EYS: variants seen among roughly 807,000 people sequenced by gnomAD.
EYS encodes protein eyes shut homolog.
In EYS, 250 loss-of-function variants were observed where a neutral mutation model predicts 282.1. That is an observed-to-expected ratio of 0.89 (90% CI 0.80 to 0.98). EYS has a LOEUF of 0.98. EYS is among the 50% of genes least tolerant of loss of function. EYS has a pLI of 0.00. For synonymous variants in EYS, 1,355 were observed against 1,282.9 expected, an observed-to-expected ratio of 1.06 and a Z score of -1.20; for missense variants, 4,016 against 3,709.0, an observed-to-expected ratio of 1.08 and a Z score of -2.15.
chr6:63,963,650 AT>A (rs570522624), intron 35 of EYS, among the ~76,000 whole-genome samples: 1 of 151,902 alleles, frequency 6.6e-6, no homozygotes, highest in African/African-American at 2.4e-5. Flanking sequence ...ATGGGTTTTC[AT>A]TTTTTTTCAC....
At position 63,827,441 on chromosome 6, in the gene EYS, A is replaced by G. The variant is rs140097905; in HGVS notation, c.7229-21069T>C. On this transcript the variant is annotated intron_variant, in intron 36 of 42. Coordinates refer to ENST00000503581, the MANE Select transcript of EYS (RefSeq NM_001142800.2). ...TGGAATTAACAGATATATACAGAAC[A>G]TTTCATCCAACAACCACAGAATATA... Among the ~76,000 whole-genome samples the G allele has an allele frequency of 4.5e-3, 681 of 152,314 alleles. 7 individuals carry two copies. The highest frequency in any genetic ancestry group is 0.016 in the African/African-American group (653 of 41,556).
At chr6:64,927,908 AT>A (rs1768571473) in intron 15 of EYS, among the ~76,000 whole-genome samples, 1 of 152,138 alleles carries the variant, frequency 6.6e-6, no homozygotes, top group Non-Finnish European at 1.5e-5. Flanking sequence ...ATCAGAAATT[AT>A]TACAAAAGGA....
At chr6:65,213,062 T>G (rs1766214104) in intron 12 of EYS, among the ~76,000 whole-genome samples, 1 of 152,158 alleles carries the variant, frequency 6.6e-6, no homozygotes, top group Admixed American at 6.5e-5. Flanking sequence ...GAGGAATTAT[T>G]TATAGTGAGG....
At chr6:64,631,824 T>G (rs998121323) in intron 22 of EYS, 13 of 152,106 alleles carry the variant, frequency 8.5e-5, no homozygotes, top group Non-Finnish European at 1.9e-4. Flanking sequence ...CCCCACAATC[T>G]ATTCTATTCA....
rs150502410 is a variant in EYS, at chr6:65,494,692, T to C, written c.719A>G (p.Tyr240Cys). 58 of 1,584,146 alleles carry C rather than the reference T, an allele frequency of 3.7e-5. No individual in the cohort carries two copies. The African/African-American group carries it at 6.9e-4, about 19-fold the overall frequency. ...AAATGGTGGGTGACAGACACATTCATATGCTTGCTCATCCCAATTTTCTCT... is the reference window on the plus strand; with the variant it reads ...AAATGGTGGGTGACAGACACATTCACATGCTTGCTCATCCCAATTTTCTCT... ...NKRENWDEQA[Y>C]ECVCHPPFTG... The change falls in exon 4 of 43, where the codon TAT (tyrosine) becomes TGT (cysteine). Residue 240 changes from tyrosine (Y) to cysteine (C), a missense_variant. Transcript: ENST00000503581.
At chr6:65,139,532 C>T (rs541108532) in intron 12 of EYS, among the ~76,000 whole-genome samples, 1 of 152,182 alleles carries the variant, frequency 6.6e-6, no homozygotes, top group Admixed American at 6.6e-5. Context: ...CAAACCTCCA[C>T]AGCATGCAAT....
chr6:64,774,221 G>C (rs1053933782), intron 22 of EYS, among the ~76,000 whole-genome samples: 1 of 151,932 alleles, frequency 6.6e-6, no homozygotes, highest in African/African-American at 2.4e-5. Flanking sequence ...TTTGGGGAGA[G>C]ATTGGGGAAA....
At chr6:65,097,580 A>G (rs1458823064) in intron 12 of EYS, among the ~76,000 whole-genome samples, 1 of 150,946 alleles carries the variant, frequency 6.6e-6, no homozygotes, top group Non-Finnish European at 1.5e-5. Context: ...ACAATAAGCA[A>G]GATAGGGAAA....
intron 22 of EYS, among the ~76,000 whole-genome samples, chr6:64,627,875 C>G (rs1239285268): frequency 6.6e-6 from 1 of 152,054 alleles, no homozygotes; most frequent in Non-Finnish European, 1.5e-5. Context: ...GTCAGGAGAT[C>G]GAGACCATCC....
rs373932160 is a variant in EYS at position 64,462,153 on chromosome 6, C to G, written c.5645-22801G>C. On this transcript the variant is annotated intron_variant, in intron 26 of 42. Coordinates refer to ENST00000503581, the MANE Select transcript of EYS (RefSeq NM_001142800.2). ...TTCTATTTTTCCTGTTATAAAAAACCTACTTCACAATTTTATTGAGAAATA... is the reference window on the plus strand; with the variant it reads ...TTCTATTTTTCCTGTTATAAAAAACGTACTTCACAATTTTATTGAGAAATA... Among the ~76,000 whole-genome samples the G allele has an allele frequency of 7.9e-5, 12 of 152,054 alleles. No individual in the cohort carries two copies. In the East Asian group the frequency reaches 2.1e-3, roughly 27 times the overall value.
At chr6:64,205,995 C>G (rs1765599891) in intron 31 of EYS, among the ~76,000 whole-genome samples, 1 of 151,952 alleles carries the variant, frequency 6.6e-6, no homozygotes, top group Non-Finnish European at 1.5e-5. Context: ...GTTATTTGTT[C>G]AGAAATTTTA....
chr6:64,601,645 C>A (rs1209147468), intron 24 of EYS, among the ~76,000 whole-genome samples: 5 of 152,064 alleles, frequency 3.3e-5, no homozygotes, highest in Non-Finnish European at 7.4e-5. Flanking sequence ...CCACTTTTAA[C>A]CTCCTTCTAG....
intron 12 of EYS, among the ~76,000 whole-genome samples, chr6:65,195,162 A>G (rs910821181): frequency 9.2e-5 from 14 of 151,998 alleles, no homozygotes; most frequent in African/African-American, 3.1e-4. Flanking sequence ...AATAATTGGA[A>G]TGGATTTTAA....
At position 64,591,327 on chromosome 6, in the gene EYS, G is replaced by A. The variant is rs1261281313; in HGVS notation, c.4540C>T (p.His1514Tyr). The change falls in exon 26 of 43, where the codon CAC (histidine) becomes TAC (tyrosine). Residue 1514 changes from histidine to tyrosine, a missense_variant. Physicochemically the swap from His to Tyr is moderately conservative, Grantham distance 83. Transcript: ENST00000503581. Reference protein sequence around the residue: ...QVTILNSSALHRFSTKAFNPS... With the variant: ...QVTILNSSALYRFSTKAFNPS... The stretch of plus-strand genomic sequence containing the variant: ...TTGAAGGCTTTTGTACTGAACCGGT[G>A]CAGAGCTGATGAGTTTAAGATGGTT... 2 of 1,551,230 alleles carry A rather than the reference G, an allele frequency of 1.3e-6. No individual in the cohort carries two copies. Among genetic ancestry groups the A allele is most frequent in the Non-Finnish European group, 1.7e-6 (2 of 1,146,790 alleles).
intron 31 of EYS, among the ~76,000 whole-genome samples, chr6:64,157,740 G>T (rs1774977554): frequency 6.6e-6 from 1 of 152,344 alleles, no homozygotes; most frequent in South Asian, 2.1e-4. Flanking sequence ...ATTTGGGTTT[G>T]GGAACCTTCG....
intron 33 of EYS, among the ~76,000 whole-genome samples, chr6:64,029,700 C>A (rs142756697): frequency 1.3e-5 from 2 of 152,168 alleles, no homozygotes; most frequent in South Asian, 4.1e-4. Flanking sequence ...GAATGGGATA[C>A]GAAGGGCAGG....
chr6:64,940,497 A>T (rs116510965), intron 15 of EYS, among the ~76,000 whole-genome samples: 2,367 of 152,150 alleles, frequency 0.016, 60 homozygotes, highest in African/African-American at 0.054. Context: ...AACAATTAAT[A>T]TTATGTTTTT....
At chr6:65,476,128 G>A (rs552142932) in intron 5 of EYS, among the ~76,000 whole-genome samples, 1 of 152,120 alleles carries the variant, frequency 6.6e-6, no homozygotes, top group South Asian at 2.1e-4. Context: ...AGAAGCTCCC[G>A]TTTTTTGCGA....
At chr6:64,352,934 T>C (rs1771692549) in intron 29 of EYS, among the ~76,000 whole-genome samples, 1 of 151,544 alleles carries the variant, frequency 6.6e-6, no homozygotes, top group African/African-American at 2.4e-5. Flanking sequence ...GGTTCTACAG[T>C]GAAATTTCTC....
Sources: allele counts gnomAD v4.1 joint callset (sites outside exome capture counted in the v4.1 genomes callset), GRCh38; gene constraint gnomAD v4.1.1; transcripts MANE v1.5; gene names NCBI Gene and HGNC (gene_info 2026-07-23, HGNC 2026-07-21).